The following RPS6KA5 variants were observed in gnomAD, a reference collection of about 807,000 sequenced individuals.
RPS6KA5 encodes the protein ribosomal protein S6 kinase A5.
RPS6KA5 carries 27 observed loss-of-function variants against 85.5 expected under a neutral mutation model. The ratio of observed to expected loss-of-function variants is 0.32; its 90% CI spans 0.23 to 0.44. RPS6KA5 has a LOEUF of 0.44. Among genes scored for constraint, RPS6KA5 ranks in the 20% least tolerant of loss-of-function variants. RPS6KA5 has a pLI of 1.00. For synonymous variants in RPS6KA5, 334 were observed against 348.2 expected, an observed-to-expected ratio of 0.96 and a Z score of 0.46; for missense variants, 811 against 980.9, an observed-to-expected ratio of 0.83 and a Z score of 2.31.
chr14:90,965,350 A>C (rs1415872142), intron 3 of RPS6KA5, among the ~76,000 whole-genome samples: 1 of 152,176 alleles, frequency 6.6e-6, no homozygotes, highest in Non-Finnish European at 1.5e-5. Flanking sequence ...CTACAGCCTG[A>C]GCGACAGAGC....
chr14:90,896,865 C>T lies in RPS6KA5; in HGVS notation c.1474-2282G>A, dbSNP rs1046207683. On this transcript the variant is annotated intron_variant, in intron 12 of 16. Transcript: ENST00000614987. ...CCTCCAGAGTAGCTAGGACTACAGGCGCACAACACCACGCCTGACTAATTT... is the reference window on the plus strand; with the variant it reads ...CCTCCAGAGTAGCTAGGACTACAGGTGCACAACACCACGCCTGACTAATTT... Among the ~76,000 whole-genome samples, 3 of 152,054 alleles carry T rather than the reference C, an allele frequency of 2.0e-5. No homozygotes were observed. In the South Asian group the frequency reaches 6.2e-4, roughly 32 times the overall value.
intron 2 of RPS6KA5, among the ~76,000 whole-genome samples, chr14:90,992,076 T>C (rs1320827976): frequency 6.6e-6 from 1 of 152,158 alleles, no homozygotes; most frequent in Non-Finnish European, 1.5e-5. Flanking sequence ...GTCTTTCCTA[T>C]TATTCTAAGT....
intron 3 of RPS6KA5, among the ~76,000 whole-genome samples, chr14:90,960,955 C>T (rs1342547398): frequency 6.6e-6 from 1 of 152,164 alleles, no homozygotes; most frequent in Admixed American, 6.5e-5. Flanking sequence ...TGGTACTGTT[C>T]GTATACACTC....
At chr14:91,030,882 TAAAC>T (rs1566885650) in intron 1 of RPS6KA5, among the ~76,000 whole-genome samples, 2 of 151,588 alleles carry the variant, frequency 1.3e-5, no homozygotes, top group African/African-American at 2.4e-5. Context: ...TGCAAGGAGA[TAAAC>T]AACAGGAGAT....
chr14:90,926,809 T>C (rs1203573332), intron 5 of RPS6KA5, among the ~76,000 whole-genome samples: 1 of 151,950 alleles, frequency 6.6e-6, no homozygotes, highest in East Asian at 1.9e-4. Flanking sequence ...TATTAATCAT[T>C]GAACCTTGCT....
At position 90,890,471 on chromosome 14, in the gene RPS6KA5, A is replaced by T; in HGVS notation, c.1836+16T>A. 3 of 1,587,498 alleles carry T rather than the reference A, an allele frequency of 1.9e-6. No homozygotes were observed. Among genetic ancestry groups the T allele is most frequent in the Non-Finnish European group, 2.6e-6 (3 of 1,165,634 alleles). On this transcript the variant is annotated intron_variant, in intron 14 of 16. Coordinates refer to ENST00000614987, the MANE Select transcript of RPS6KA5 (RefSeq NM_004755.4). ...AGAAATAAGCAGGTTTAATGACTGT[A>T]TTGAAAAGAACTCACCAAAATGACG...
intron 1 of RPS6KA5, among the ~76,000 whole-genome samples, chr14:91,047,232 T>G (rs1386520300): frequency 6.6e-6 from 1 of 152,048 alleles, no homozygotes; most frequent in Non-Finnish European, 1.5e-5. Flanking sequence ...CATAAGAAAA[T>G]AAGAAGAAAG....
chr14:90,912,903 T>C (rs890630657), intron 7 of RPS6KA5, among the ~76,000 whole-genome samples: 1 of 115,994 alleles, frequency 8.6e-6, no homozygotes, highest in African/African-American at 3.4e-5. Context: ...ACATAAAGCA[T>C]CTTTTTTTTT....
chr14:90,883,721 T>G (rs7155921), intron 14 of RPS6KA5, among the ~76,000 whole-genome samples: 52,756 of 152,070 alleles, frequency 0.35, 9,501 homozygotes, highest in East Asian at 0.48. Flanking sequence ...AAATGGGACC[T>G]TGAACTTAAT....
At chr14:91,009,001 T>C (rs899928045) in intron 1 of RPS6KA5, among the ~76,000 whole-genome samples, 10 of 152,230 alleles carry the variant, frequency 6.6e-5, no homozygotes, top group African/African-American at 2.4e-4. Flanking sequence ...TTAAGAAACA[T>C]TCATTGAATA....
chr14:90,862,791 T>C lies in RPS6KA5; in HGVS notation c.*9283A>G, dbSNP rs1397714941. ...GTCTATCCTCCTTATGATCCAAAAATCTTAGGCAAAATATTAGCAAACTAT... is the reference window on the plus strand; with the variant it reads ...GTCTATCCTCCTTATGATCCAAAAACCTTAGGCAAAATATTAGCAAACTAT... On this transcript the variant is annotated 3_prime_UTR_variant, in exon 17 of 17. Transcript: ENST00000614987. The C allele has an allele frequency of 6.6e-6, 1 of 152,018 alleles. No individual in the cohort carries two copies. Among genetic ancestry groups the C allele is most frequent in the African/African-American group, 2.4e-5 (1 of 41,376 alleles). The allele number at this position is 152,018 out of a possible 1,614,324, so 9.4% of individuals were successfully genotyped here. A position where few individuals can be genotyped will look rare whatever the true frequency, so the allele number is the denominator to read the frequency against.
intron 16 of RPS6KA5, among the ~76,000 whole-genome samples, chr14:90,872,545 C>T (rs1230349814): frequency 3.3e-5 from 5 of 152,078 alleles, no homozygotes; most frequent in Admixed American, 2.0e-4. Context: ...ACTAGCTAGG[C>T]GGTCTGAGAG....
chr14:91,031,062 T>C (rs2042169674), intron 1 of RPS6KA5, among the ~76,000 whole-genome samples: 1 of 152,112 alleles, frequency 6.6e-6, no homozygotes, highest in African/African-American at 2.4e-5. Flanking sequence ...TTTTAAAATA[T>C]AAATGTAAAA....
At chr14:90,915,148 A>G (rs1221181221) in intron 7 of RPS6KA5, among the ~76,000 whole-genome samples, 1 of 152,200 alleles carries the variant, frequency 6.6e-6, no homozygotes, top group African/African-American at 2.4e-5. Context: ...TACTCTATAC[A>G]TGACTCCAAA....
At chr14:90,926,409 AAAAGACTTAGTAAAATTTACT>A (rs1399589542) in intron 5 of RPS6KA5, among the ~76,000 whole-genome samples, 2 of 151,902 alleles carry the variant, frequency 1.3e-5, no homozygotes, top group Non-Finnish European at 2.9e-5. Flanking sequence ...AAAACAAAAA[AAAAGACTTAGTAAAATTTACT>A]AAAGACTTAG....
At chr14:90,914,461 C>G (rs1029442382) in intron 7 of RPS6KA5, among the ~76,000 whole-genome samples, 1 of 151,850 alleles carries the variant, frequency 6.6e-6, no homozygotes, top group Non-Finnish European at 1.5e-5. Context: ...ATTACAGGCA[C>G]CCATCACCAT....
chr14:90,995,725 T>C (rs2140552102), intron 2 of RPS6KA5, among the ~76,000 whole-genome samples: 1 of 152,232 alleles, frequency 6.6e-6, no homozygotes, highest in East Asian at 1.9e-4. Flanking sequence ...GAAAGACTAC[T>C]CAACTGCATA....
intron 1 of RPS6KA5, among the ~76,000 whole-genome samples, chr14:91,059,497 A>G (rs1048713647): frequency 1.4e-4 from 22 of 152,224 alleles, no homozygotes; most frequent in African/African-American, 5.1e-4. Flanking sequence ...CTGGGCTCCA[A>G]GAATATAAAT....
At chr14:90,907,427 T>C (rs1152433) in intron 7 of RPS6KA5, among the ~76,000 whole-genome samples, 97,258 of 152,054 alleles carry the variant, frequency 0.64, 32,546 homozygotes, top group East Asian at 0.88. Flanking sequence ...AAATAGGTAT[T>C]ATGATGCTTA....
Sources: gnomAD v4.1 joint callset for allele counts (sites outside exome capture counted in the v4.1 genomes callset) on GRCh38, gnomAD v4.1.1 for gene constraint, MANE v1.5 for transcripts, NCBI Gene and HGNC (gene_info 2026-07-23, HGNC 2026-07-21) for gene names.